CORIN: variants seen among roughly 807,000 people sequenced by gnomAD.
CORIN encodes corin, serine peptidase.
A neutral mutation model predicts 125.3 loss-of-function variants in CORIN; 117 were observed. The ratio of observed to expected loss-of-function variants is 0.93; its 90% CI spans 0.80 to 1.09. The LOEUF (loss-of-function observed/expected upper bound fraction) is 1.09. Ranked by LOEUF, CORIN falls within the 50% of genes least tolerant of loss-of-function variation. CORIN has a pLI of 0.00. For synonymous variants in CORIN, 450 were observed against 466.4 expected, an observed-to-expected ratio of 0.96 and a Z score of 0.45; for missense variants, 1,253 against 1,306.7, an observed-to-expected ratio of 0.96 and a Z score of 0.63.
At chr4:47,726,270 T>C (rs1727590930) in intron 5 of CORIN, among the ~76,000 whole-genome samples, 1 of 152,132 alleles carries the variant, frequency 6.6e-6, no homozygotes, top group African/African-American at 2.4e-5. Flanking sequence ...TTTATAGCAG[T>C]AATTTTCACA....
At chr4:47,599,700 A>G (rs28539155) in intron 21 of CORIN, among the ~76,000 whole-genome samples, 2,770 of 152,284 alleles carry the variant, frequency 0.018, 88 homozygotes, top group African/African-American at 0.063. Context: ...ACATGCTGGC[A>G]ATCAAGTGAG....
chr4:47,735,870 G>A (rs1214580800), intron 5 of CORIN, among the ~76,000 whole-genome samples: 2 of 149,598 alleles, frequency 1.3e-5, no homozygotes, highest in African/African-American at 4.9e-5. Context: ...AGCTTGCAGT[G>A]AGCAGAGATC....
intron 13 of CORIN, among the ~76,000 whole-genome samples, chr4:47,646,872 T>C (rs1395979286): frequency 6.6e-6 from 1 of 152,234 alleles, no homozygotes; most frequent in Non-Finnish European, 1.5e-5. Context: ...ATTATGTAGA[T>C]GATTGACTCA....
Position 47,806,963 on chromosome 4 carries a change from C to A in CORIN, c.148G>T (p.Val50Phe). ...TANLLRFLLL[V>F]LIPCICALVL... ...AGAGCACAGATACATGGAATCAGGACCAGCAATAGGAACCGGAGGAGGTTA... is the reference window on the plus strand; with the variant it reads ...AGAGCACAGATACATGGAATCAGGAACAGCAATAGGAACCGGAGGAGGTTA... Residue 50 changes from valine to phenylalanine, a missense_variant, in exon 2 of 22, where the codon GTC becomes TTC. Transcript: ENST00000273857. The A allele has an allele frequency of 6.2e-7, 1 of 1,613,876 alleles. No individual in the cohort carries two copies. Among genetic ancestry groups the A allele is most frequent in the Non-Finnish European group, 8.5e-7 (1 of 1,179,802 alleles).
intron 19 of CORIN, among the ~76,000 whole-genome samples, chr4:47,615,615 G>A (rs1304933504): frequency 1.3e-5 from 2 of 152,158 alleles, no homozygotes; most frequent in African/African-American, 4.8e-5. Context: ...GTCTGAAGAG[G>A]AAGGCAGACA....
intron 2 of CORIN, 66 bp downstream of exon 2, chr4:47,806,837 T>C: frequency 6.7e-7 from 1 of 1,487,526 alleles, no homozygotes; most frequent in Non-Finnish European, 9.0e-7. Flanking sequence ...TAAGTAGAAA[T>C]CACTCTTCTA....
At chr4:47,733,702 C>T (rs577652054) in intron 5 of CORIN, among the ~76,000 whole-genome samples, 4 of 152,162 alleles carry the variant, frequency 2.6e-5, no homozygotes, top group African/African-American at 9.7e-5. Context: ...GTTCTCACAT[C>T]TCAACTATGG....
intron 1 of CORIN, among the ~76,000 whole-genome samples, chr4:47,820,822 C>T (rs895868807): frequency 2.6e-5 from 4 of 151,858 alleles, no homozygotes; most frequent in African/African-American, 9.7e-5. Flanking sequence ...AAAATAGAGT[C>T]AATTGTTACA....
chr4:47,653,504 T>C (rs1423214555), intron 13 of CORIN, 49 bp downstream of exon 13: 4 of 1,422,936 alleles, frequency 2.8e-6, no homozygotes, highest in Non-Finnish European at 4.0e-6. Context: ...TCTTATTTTA[T>C]TCTAGTTATC....
At chr4:47,837,745 A>T in intron 1 of CORIN, 142 bp downstream of exon 1, 1 of 816,356 alleles carries the variant, frequency 1.2e-6, no homozygotes, top group Non-Finnish European at 2.1e-6. Flanking sequence ...GAACTGTCAG[A>T]GCGGGAGCTC....
intron 3 of CORIN, among the ~76,000 whole-genome samples, chr4:47,768,089 G>A (rs1343259499): frequency 1.3e-5 from 2 of 152,006 alleles, no homozygotes; most frequent in South Asian, 2.1e-4. Flanking sequence ...GGCTCACCCC[G>A]GCTCAAAAGC....
intron 13 of CORIN, among the ~76,000 whole-genome samples, chr4:47,649,984 G>A (rs1242995658): frequency 6.6e-6 from 1 of 152,162 alleles, no homozygotes; most frequent in Non-Finnish European, 1.5e-5. Flanking sequence ...AGCCAGTTAA[G>A]CCCTTCTGTG....
At chr4:47,674,739 T>TA (rs1459127122) in intron 9 of CORIN, among the ~76,000 whole-genome samples, 1 of 152,154 alleles carries the variant, frequency 6.6e-6, no homozygotes, top group Non-Finnish European at 1.5e-5. Flanking sequence ...CAAACTACAC[T>TA]AAAAACAGGT....
intron 1 of CORIN, among the ~76,000 whole-genome samples, chr4:47,829,805 G>C (rs571325993): frequency 6.6e-6 from 1 of 152,196 alleles, no homozygotes; most frequent in African/African-American, 2.4e-5. Context: ...AAATGGGACA[G>C]TGTCCTGCTC....
chr4:47,602,471 A>G (rs1721485071), intron 20 of CORIN, among the ~76,000 whole-genome samples: 1 of 152,216 alleles, frequency 6.6e-6, no homozygotes, highest in African/African-American at 2.4e-5. Flanking sequence ...TACTTTCTTG[A>G]AGGATTTATA....
intron 12 of CORIN, among the ~76,000 whole-genome samples, chr4:47,654,410 GA>G (rs1723870636): frequency 6.6e-6 from 1 of 152,134 alleles, no homozygotes; most frequent in African/African-American, 2.4e-5. Flanking sequence ...TCAGATCACT[GA>G]AAAAGGCACT....
chr4:47,678,054 G>A lies in CORIN; in HGVS notation c.1133C>T (p.Ser378Phe), dbSNP rs372711739. 1.2e-6 allele frequency: 2 copies of A among 1,602,492 alleles called. No homozygotes were observed. Among genetic ancestry groups the A allele is most frequent in the African/African-American group, 2.7e-5 (2 of 74,644 alleles). Residue 378 changes from serine to phenylalanine, a missense_variant and splice_region_variant, in exon 9 of 22, where the codon TCC becomes TTC. Physicochemically the swap from Ser to Phe is radical, Grantham distance 155. Transcript: ENST00000273857. ...CVDKSDEVNC[S>F]CHSQGLVECR... ...TTCCACCAGACCCTGGCTGTGACAG[G>A]CTAGGAAGGACCATAACAATATTCA...
In CORIN at chr4:47,692,966, A is replaced by G; in HGVS notation, c.913+4T>C. The G allele has an allele frequency of 1.2e-6, 2 of 1,605,996 alleles. No homozygotes were observed. The highest frequency in any genetic ancestry group is 1.7e-6 in the Non-Finnish European group (2 of 1,172,692). On this transcript the variant is annotated splice_donor_region_variant and intron_variant, in intron 6 of 21. Coordinates refer to ENST00000273857, the MANE Select transcript of CORIN (RefSeq NM_006587.4). The stretch of plus-strand genomic sequence containing the variant: ...AGACAAACCCTAAACAGCTTGTCAC[A>G]TACTGCAATGAGCCTCGTCACTCCA...
At chr4:47,799,054 G>A (rs1245411459) in intron 2 of CORIN, among the ~76,000 whole-genome samples, 1 of 151,516 alleles carries the variant, frequency 6.6e-6, no homozygotes, top group Admixed American at 6.6e-5. Context: ...CATCCATTTT[G>A]CTGCAAAGGA....
Sources: gnomAD v4.1 joint callset for allele counts (sites outside exome capture counted in the v4.1 genomes callset) on GRCh38, gnomAD v4.1.1 for gene constraint, MANE v1.5 for transcripts, NCBI Gene and HGNC (gene_info 2026-07-23, HGNC 2026-07-21) for gene names.